The following MED29 variants were observed in gnomAD, a reference collection of about 807,000 sequenced individuals.
MED29 encodes mediator complex subunit 29, also known as mediator of RNA polymerase II transcription subunit 29.
In MED29, 14 loss-of-function variants were observed where a neutral mutation model predicts 22.0. That is an observed-to-expected ratio of 0.64 (90% CI 0.42 to 0.99). The LOEUF (loss-of-function observed/expected upper bound fraction) is 0.99, where lower values mean the gene tolerates loss of function less well. Among genes scored for constraint, MED29 ranks in the 50% least tolerant of loss-of-function variants. The pLI, the probability that MED29 is intolerant of heterozygous loss-of-function variation, is 0.00. For missense variants in MED29, 241 were observed against 253.7 expected (o/e 0.95, Z 0.34); for synonymous variants, 123 against 107.8 (o/e 1.14, Z -0.87).
intron 3 of MED29, among the ~76,000 whole-genome samples, chr19:39,395,225 C>T (rs957531570): frequency 6.6e-5 from 10 of 152,152 alleles, no homozygotes; most frequent in African/African-American, 1.9e-4. Flanking sequence ...GAGGGAATAA[C>T]ATTTGCTTTA....
At position 39,398,074 on chromosome 19, in the gene MED29, T is replaced by G; in HGVS notation, c.*375T>G. On this transcript the variant is annotated 3_prime_UTR_variant, in exon 4 of 4. Coordinates refer to ENST00000315588, the MANE Select transcript of MED29 (RefSeq NM_017592.4). ...CCACTCCTCTGTGTCTCTATTACAG[T>G]TGTGTCTCTCTCATCCTGTCTCTTT... The G allele has an allele frequency of 2.2e-6, 1 of 451,080 alleles. No homozygotes were observed. The highest frequency in any genetic ancestry group is 4.0e-6 in the Non-Finnish European group (1 of 252,292). The allele number at this position is 451,080 out of a possible 1,614,324, so 27.9% of individuals were successfully genotyped here.
chr19:39,394,457 A>G (rs1398785337), intron 3 of MED29, among the ~76,000 whole-genome samples: 1 of 147,758 alleles, frequency 6.8e-6, no homozygotes, highest in East Asian at 2.0e-4. Context: ...GGGTTTCACC[A>G]TTTTGGCCAG....
chr19:39,399,533 C>CA lies in MED29; in HGVS notation c.*1842dup, dbSNP rs1395877947. The CA allele has an allele frequency of 2.0e-5, 3 of 151,650 alleles. No homozygotes were observed. The highest frequency in any genetic ancestry group is 6.6e-5 in the Admixed American group (1 of 15,206). 9.4% of individuals were successfully genotyped at this position (151,650 alleles called of 1,614,324 possible). ...TGGGCGACAGGGCAAGACTCTGTCT[C>CA]AAAAAAAATAAAAAACTGACCATCT... On this transcript the variant is annotated 3_prime_UTR_variant, in exon 4 of 4. Transcript: ENST00000315588.
rs937018684 is a variant in MED29 at position 39,399,698 on chromosome 19, A to G, written c.*1999A>G. 5.9e-5 allele frequency: 9 copies of G among 152,232 alleles called. No individual in the cohort carries two copies. Among genetic ancestry groups the G allele is most frequent in the African/African-American group, 2.2e-4 (9 of 41,454 alleles). 9.4% of individuals were successfully genotyped at this position (152,232 alleles called of 1,614,324 possible). On this transcript the variant is annotated 3_prime_UTR_variant, in exon 4 of 4. Transcript: ENST00000315588. Reference sequence around the variant, plus strand: ...CTGAAGACAACTAACCCTTTCCCCAACAGAGCCCACCAGCAGTGGTGGAGA... The same window carrying G: ...CTGAAGACAACTAACCCTTTCCCCAGCAGAGCCCACCAGCAGTGGTGGAGA...
In MED29 at chr19:39,391,497, C is replaced by G. The variant is rs776037538; in HGVS notation, c.75C>G (p.Gly25=). ...AGVSGPSSAG[G]PGPQQQPQPP... ...TATCGGGTCCTAGTTCGGCTGGCGG[C>G]CCGGGTCCCCAGCAGCAGCCGCAAC... is the stretch of plus-strand genomic sequence containing the variant. Residue 25 remains glycine, a synonymous_variant, in exon 1 of 4, where the codon GGC becomes GGG. Transcript: ENST00000315588. The G allele has an allele frequency of 5.6e-6, 9 of 1,612,660 alleles. No homozygotes were observed. The highest frequency in any genetic ancestry group is 7.6e-6 in the Non-Finnish European group (9 of 1,179,842).
chr19:39,395,086 T>A, intron 3 of MED29, among the ~76,000 whole-genome samples: 1 of 151,782 alleles, frequency 6.6e-6, no homozygotes, highest in East Asian at 1.9e-4. Context: ...ACTCCTGGGG[T>A]CAAGCAATTC....
chr19:39,398,165 T>C lies in MED29; in HGVS notation c.*466T>C. On this transcript the variant is annotated 3_prime_UTR_variant, in exon 4 of 4. Transcript: ENST00000315588. ...TGGTCCTATTTCTCTCACTCTGACC[T>C]CTCTCTCTTAGTCCCCTTTAGCTGT... The C allele has an allele frequency of 4.3e-6, 1 of 230,592 alleles. No individual in the cohort carries two copies. Among genetic ancestry groups the C allele is most frequent in the Non-Finnish European group, 8.5e-6 (1 of 117,054 alleles). The allele number at this position is 230,592 out of a possible 1,614,324, so 14.3% of individuals were successfully genotyped here.
At chr19:39,393,722 C>G in intron 3 of MED29, 85 bp downstream of exon 3, 1 of 1,164,130 alleles carries the variant, frequency 8.6e-7, no homozygotes, top group Non-Finnish European at 1.3e-6. Flanking sequence ...TCAACTCACA[C>G]TCAACTGGGG....
rs757230371 is a variant in MED29 at position 39,397,667 on chromosome 19, G to C, written c.571G>C (p.Ala191Pro). The change falls in exon 4 of 4, where the codon GCA becomes CCA. Residue 191 changes from alanine (A) to proline (P), a missense_variant. Transcript: ENST00000315588. Reference protein sequence around the residue: ...CANKVTGKTPAPPAGPGGTL With the variant: ...CANKVTGKTPPPPAGPGGTL ...CAACAAGGTCACGGGCAAGACACCCGCACCACCTGCTGGCCCTGGGGGCAC... is the reference window on the plus strand; with the variant it reads ...CAACAAGGTCACGGGCAAGACACCCCCACCACCTGCTGGCCCTGGGGGCAC... 3.7e-6 allele frequency: 6 copies of C among 1,611,546 alleles called. No individual in the cohort carries two copies. Among genetic ancestry groups the C allele is most frequent in the Non-Finnish European group, 5.1e-6 (6 of 1,179,812 alleles).
At chr19:39,397,182 G>A (rs373933895) in intron 3 of MED29, among the ~76,000 whole-genome samples, 5 of 152,190 alleles carry the variant, frequency 3.3e-5, no homozygotes, top group East Asian at 1.9e-4. Context: ...GCCAGGACCC[G>A]TGCCTGTGTC....
intron 1 of MED29, among the ~76,000 whole-genome samples, chr19:39,392,178 G>A (rs1436036153): frequency 6.6e-6 from 1 of 152,172 alleles, no homozygotes; most frequent in Non-Finnish European, 1.5e-5. Context: ...GGTCGTTAAA[G>A]CCTGAGGAGA....
intron 3 of MED29, among the ~76,000 whole-genome samples, chr19:39,396,058 C>T (rs544867079): frequency 2.0e-5 from 3 of 152,258 alleles, no homozygotes; most frequent in Admixed American, 1.3e-4. Context: ...GAGTGGTGTG[C>T]GTGGGTGTGA....
intron 3 of MED29, among the ~76,000 whole-genome samples, chr19:39,395,737 T>C (rs983668782): frequency 6.6e-6 from 1 of 151,658 alleles, no homozygotes; most frequent in Non-Finnish European, 1.5e-5. Flanking sequence ...GCTAACACGA[T>C]GAAACCCCGT....
In MED29 at chr19:39,400,185, T is replaced by G. The variant is rs2078454499; in HGVS notation, c.*2486T>G. 1 of 152,162 alleles carries G rather than the reference T, an allele frequency of 6.6e-6. No individual in the cohort carries two copies. Among genetic ancestry groups the G allele is most frequent in the Non-Finnish European group, 1.5e-5 (1 of 68,048 alleles). 9.4% of individuals were successfully genotyped at this position (152,162 alleles called of 1,614,324 possible). A position where few individuals can be genotyped will look rare whatever the true frequency, so the allele number is the denominator to read the frequency against. On this transcript the variant is annotated 3_prime_UTR_variant, in exon 4 of 4. Coordinates refer to ENST00000315588, the MANE Select transcript of MED29 (RefSeq NM_017592.4). ...CTTGAGCCCAGGAATTCAAGACCAG[T>G]CCGAGCAACATAGCAAAAGCCCTTA...
At chr19:39,394,743 TA>T (rs975002422) in intron 3 of MED29, among the ~76,000 whole-genome samples, 67 of 151,808 alleles carry the variant, frequency 4.4e-4, no homozygotes, top group African/African-American at 1.5e-3. Context: ...TTTGTATTTT[TA>T]GTAGAGATGG....
Position 39,395,467 on chromosome 19 carries a change from G to A in MED29, c.360+1830G>A, listed in dbSNP as rs546216156. ...CGCAGCCATGGCAGGATCCAAGGACGCCTGGACTGGGCTCCACCAGGGCGG... is the reference window on the plus strand; with the variant it reads ...CGCAGCCATGGCAGGATCCAAGGACACCTGGACTGGGCTCCACCAGGGCGG... On this transcript the variant is annotated intron_variant, in intron 3 of 3. Transcript: ENST00000315588. 8.5e-5 allele frequency among the ~76,000 whole-genome samples: 13 copies of A among 152,294 alleles called. No individual in the cohort carries two copies. In the East Asian group the frequency reaches 9.7e-4, roughly 11 times the overall value.
At position 39,391,414 on chromosome 19, in the gene MED29, G is replaced by A. The variant is rs771515744; in HGVS notation, c.-9G>A. On this transcript the variant is annotated 5_prime_UTR_variant, in exon 1 of 4. Coordinates refer to ENST00000315588, the MANE Select transcript of MED29 (RefSeq NM_017592.4). ...TCGTAACGCACTTCCGGCGGTCTAC[G>A]CGAGGAAGATGGCTGCATCCCAGCA... 1.2e-6 allele frequency: 2 copies of A among 1,611,488 alleles called. No individual in the cohort carries two copies. The highest frequency in any genetic ancestry group is 2.2e-5 in the South Asian group (2 of 90,986).
chr19:39,392,410 G>A, intron 1 of MED29, 54 bp from the exon 2 acceptor site: 1 of 1,407,666 alleles, frequency 7.1e-7, no homozygotes, highest in Admixed American at 1.9e-5. Context: ...ATCTGCCAGA[G>A]GTATTCCCTT....
intron 3 of MED29, among the ~76,000 whole-genome samples, chr19:39,393,968 C>T (rs2078414320): frequency 6.6e-6 from 1 of 152,092 alleles, no homozygotes; most frequent in Non-Finnish European, 1.5e-5. Context: ...AGTGTGGAAG[C>T]CCAGGGTGGG....
Sources: gnomAD v4.1 joint callset for allele counts (sites outside exome capture counted in the v4.1 genomes callset) on GRCh38, gnomAD v4.1.1 for gene constraint, MANE v1.5 for transcripts, NCBI Gene and HGNC (gene_info 2026-07-23, HGNC 2026-07-21) for gene names.